Variants in NLGN1 observed in about 807,000 individuals in gnomAD.
NLGN1 encodes the protein neuroligin-1.
Under a neutral mutation model 65.5 loss-of-function variants are expected in NLGN1, and 12 were observed. The observed-to-expected ratio is 0.18, with a 90% CI of 0.12 to 0.30. The LOEUF is 0.30. Ranked by LOEUF, NLGN1 falls within the 10% of genes least tolerant of loss-of-function variation. The probability of loss-of-function intolerance (pLI) is 1.00; values close to 1 mark genes in which losing one functional copy is unlikely to be tolerated. For synonymous variants in NLGN1, 350 were observed against 359.5 expected (o/e 0.97, Z 0.30); for missense variants, 750 against 1,007.1 (o/e 0.74, Z 3.46).
intron 4 of NLGN1, among the ~76,000 whole-genome samples, chr3:173,901,439 A>G (rs1290145207): frequency 6.6e-6 from 1 of 151,890 alleles, no homozygotes; most frequent in Non-Finnish European, 1.5e-5. Flanking sequence ...TGGATAATAT[A>G]AAATTACACT....
intron 4 of NLGN1, among the ~76,000 whole-genome samples, chr3:174,060,971 A>C (rs989748453): frequency 1.4e-4 from 21 of 152,098 alleles, no homozygotes; most frequent in African/African-American, 5.1e-4. Context: ...CCATATTGTC[A>C]GCATTTTGCC....
At chr3:173,873,589 T>G (rs1368874907) in intron 4 of NLGN1, among the ~76,000 whole-genome samples, 1 of 152,222 alleles carries the variant, frequency 6.6e-6, no homozygotes, top group Non-Finnish European at 1.5e-5. Context: ...TGTATTTCAA[T>G]GTGGATTTAT....
intron 3 of NLGN1, among the ~76,000 whole-genome samples, chr3:173,790,130 G>A (rs1712348656): frequency 6.6e-6 from 1 of 152,056 alleles, no homozygotes; most frequent in Non-Finnish European, 1.5e-5. Context: ...GATTTACCCT[G>A]AGTGGTTAGG....
intron 1 of NLGN1, chr3:173,399,584 G>C (rs181125041): frequency 1.3e-5 from 2 of 152,210 alleles, no homozygotes; most frequent in South Asian, 4.1e-4. Context: ...TCATTTGCAG[G>C]GTGTTGGAAG....
chr3:174,055,342 T>C (rs1735829627), intron 4 of NLGN1, among the ~76,000 whole-genome samples: 1 of 151,884 alleles, frequency 6.6e-6, no homozygotes, highest in African/African-American at 2.4e-5. Context: ...AAAAAAATTT[T>C]GAACCAACGT....
chr3:173,884,906 G>A (rs1734044950), intron 4 of NLGN1, among the ~76,000 whole-genome samples: 1 of 152,080 alleles, frequency 6.6e-6, no homozygotes, highest in South Asian at 2.1e-4. Context: ...CCTCTGAAGA[G>A]GCCAAATGCT....
At chr3:173,995,996 G>A (rs981751773) in intron 4 of NLGN1, among the ~76,000 whole-genome samples, 21 of 152,022 alleles carry the variant, frequency 1.4e-4, no homozygotes, top group African/African-American at 5.1e-4. Context: ...CTTGTGTTTT[G>A]TTTTTAACCA....
chr3:173,617,720 G>A (rs183015361), intron 3 of NLGN1, among the ~76,000 whole-genome samples: 2 of 152,308 alleles, frequency 1.3e-5, no homozygotes, highest in Admixed American at 6.5e-5. Flanking sequence ...GCCTGTGCAC[G>A]TTACTGCCAG....
At chr3:174,276,878 A>G (rs901705148) in intron 5 of NLGN1, among the ~76,000 whole-genome samples, 1 of 151,842 alleles carries the variant, frequency 6.6e-6, no homozygotes, top group Non-Finnish European at 1.5e-5. Flanking sequence ...TATTTTTACT[A>G]ATGCCACTAT....
At chr3:174,234,546 G>C (rs1009549217) in intron 4 of NLGN1, among the ~76,000 whole-genome samples, 8 of 152,124 alleles carry the variant, frequency 5.3e-5, no homozygotes, top group Non-Finnish European at 1.2e-4. Context: ...GAGCCCACTT[G>C]CCCAACTCCT....
intron 4 of NLGN1, among the ~76,000 whole-genome samples, chr3:173,911,089 T>C (rs932215948): frequency 2.0e-5 from 3 of 152,138 alleles, no homozygotes; most frequent in Non-Finnish European, 2.9e-5. Context: ...TCTCCTAAAC[T>C]CACTGTACTT....
chr3:173,977,414 G>A (rs1345855012), intron 4 of NLGN1, among the ~76,000 whole-genome samples: 1 of 151,986 alleles, frequency 6.6e-6, no homozygotes, highest in Non-Finnish European at 1.5e-5. Context: ...ATTGTAGGTA[G>A]AGTACAAAAA....
rs1369699756 is a variant in NLGN1, at chr3:173,809,102, C to A, written c.646+1270C>A. 4.0e-5 allele frequency among the ~76,000 whole-genome samples: 3 copies of A among 74,982 alleles called. No homozygotes were observed. In the East Asian group the frequency reaches 6.2e-4, roughly 15 times the overall value. 49.2% of individuals were successfully genotyped at this position (74,982 alleles called of 152,430 possible). On this transcript the variant is annotated intron_variant, in intron 4 of 6. Transcript: ENST00000457714. Reference sequence around the variant, plus strand: ...GTGGTGAATGACCATAGATGCACTGCGTAAGTGTAGGTATAAAATATTCTG... The same window carrying A: ...GTGGTGAATGACCATAGATGCACTGAGTAAGTGTAGGTATAAAATATTCTG...
chr3:173,647,570 C>T (rs2149620411), intron 3 of NLGN1, among the ~76,000 whole-genome samples: 1 of 151,922 alleles, frequency 6.6e-6, no homozygotes, highest in South Asian at 2.1e-4. Context: ...TATTTGAAAA[C>T]CAAATAACAC....
chr3:173,646,411 A>G (rs1191260027), intron 3 of NLGN1, among the ~76,000 whole-genome samples: 1 of 152,196 alleles, frequency 6.6e-6, no homozygotes, highest in East Asian at 1.9e-4. Context: ...AGGAATGTGC[A>G]TTGGTTATAG....
chr3:173,655,237 C>T (rs1023607447), intron 3 of NLGN1, among the ~76,000 whole-genome samples: 3 of 152,110 alleles, frequency 2.0e-5, no homozygotes, highest in African/African-American at 7.2e-5. Flanking sequence ...ATTTAAGCAG[C>T]TGCTGTTTCT....
chr3:173,880,361 C>A (rs895590456), intron 4 of NLGN1, among the ~76,000 whole-genome samples: 1 of 151,600 alleles, frequency 6.6e-6, no homozygotes, highest in Non-Finnish European at 1.5e-5. Flanking sequence ...GTACCATTGC[C>A]GTTTTCTTTT....
In NLGN1 at chr3:174,051,020, C is replaced by T. The variant is rs80177996; in HGVS notation, c.647-224295C>T. 6.2e-3 allele frequency among the ~76,000 whole-genome samples: 949 copies of T among 152,100 alleles called. 23 individuals are homozygous for T. The highest frequency in any genetic ancestry group is 0.038 in the East Asian group (196 of 5,146). On this transcript the variant is annotated intron_variant, in intron 4 of 6. Transcript: ENST00000457714. The stretch of plus-strand genomic sequence containing the variant: ...CAAAGGGATGTCCTCACCAGTACTT[C>T]TAAGAGATCAAACAAGAGGCCTCCA...
At chr3:174,273,334 A>C (rs996256035) in intron 4 of NLGN1, among the ~76,000 whole-genome samples, 1 of 151,246 alleles carries the variant, frequency 6.6e-6, no homozygotes, top group Non-Finnish European at 1.5e-5. Flanking sequence ...TTCCTTCAAG[A>C]GTTTTTCTAT....
Sources: gnomAD v4.1 joint callset for allele counts (sites outside exome capture counted in the v4.1 genomes callset) on GRCh38, gnomAD v4.1.1 for gene constraint, MANE v1.5 for transcripts, NCBI Gene and HGNC (gene_info 2026-07-23, HGNC 2026-07-21) for gene names.